Variants in CLHC1 observed in about 807,000 individuals in gnomAD.
CLHC1 encodes clathrin heavy chain linker domain containing 1, also known as clathrin heavy chain linker domain-containing protein 1.
Under a neutral mutation model 69.5 loss-of-function variants are expected in CLHC1, and 72 were observed. The ratio of observed to expected loss-of-function variants is 1.04; its 90% confidence interval spans 0.86 to 1.26. The LOEUF (loss-of-function observed/expected upper bound fraction) is 1.26, where lower values mean the gene tolerates loss of function less well. Ranked by LOEUF, CLHC1 falls within the 50% of genes most tolerant of loss-of-function variation. CLHC1 has a pLI of 0.00. For synonymous variants in CLHC1, 223 were observed against 224.3 expected, an observed-to-expected ratio of 0.99 and a Z score of 0.05; for missense variants, 790 against 679.3, an observed-to-expected ratio of 1.16 and a Z score of -1.81.
chr2:55,226,884 T>C (rs1674759726), intron 2 of CLHC1, among the ~76,000 whole-genome samples: 1 of 152,220 alleles, frequency 6.6e-6, no homozygotes, highest in Admixed American at 6.5e-5. Flanking sequence ...CAGCCTGCTT[T>C]GGCCTCCCAA....
chr2:55,225,342 C>T (rs1468013901), intron 2 of CLHC1: 2 of 152,242 alleles, frequency 1.3e-5, no homozygotes, highest in Non-Finnish European at 2.9e-5. Flanking sequence ...ACTTCCCATC[C>T]TTATGTGATG....
rs147885960 is a variant in CLHC1 at position 55,175,864 on chromosome 2, G to A, written c.1687C>T (p.Arg563Ter). 154 of 1,613,958 alleles carry A rather than the reference G, an allele frequency of 9.5e-5. No individual in the cohort carries two copies. Among genetic ancestry groups the A allele is most frequent in the Admixed American group, 7.7e-4 (46 of 60,012 alleles). Residue 563 changes from arginine to a stop codon, truncating the protein, a stop_gained, in exon 13 of 13, where the codon CGA (arginine) becomes TGA (stop). Coordinates refer to ENST00000401408, the MANE Select transcript of CLHC1 (RefSeq NM_152385.4). LOFTEE classifies it high-confidence loss of function. ...ATTTCTGTAACTGCAGCCTGAGATC[G>A]AAGAATAGACGTGATGTCATTAGAT... ...KLSNDITSIL[R>*]SQAAVTEISE...
chr2:55,188,214 G>A (rs953403093), intron 9 of CLHC1, among the ~76,000 whole-genome samples: 5 of 152,078 alleles, frequency 3.3e-5, no homozygotes, highest in African/African-American at 7.2e-5. Flanking sequence ...GACTAGAGAC[G>A]CTGAAGTGGG....
At chr2:55,218,920 C>T (rs1419571256) in intron 3 of CLHC1, among the ~76,000 whole-genome samples, 1 of 152,012 alleles carries the variant, frequency 6.6e-6, no homozygotes, top group African/African-American at 2.4e-5. Flanking sequence ...CTCTGGTATC[C>T]CCCACTGGCT....
At chr2:55,224,624 G>A (rs1437807238) in intron 2 of CLHC1, 1 of 254,492 alleles carries the variant, frequency 3.9e-6, no homozygotes. Context: ...AGGAACCCCC[G>A]CAGTGCGGCG....
At chr2:55,188,261 A>T (rs1370301403) in intron 9 of CLHC1, among the ~76,000 whole-genome samples, 1 of 152,142 alleles carries the variant, frequency 6.6e-6, no homozygotes, top group African/African-American at 2.4e-5. Flanking sequence ...GGCTGCAGTG[A>T]GCCATGTTTG....
Position 55,175,628 on chromosome 2 carries a change from T to A in CLHC1, c.*162A>T. Reference sequence around the variant, plus strand: ...GGAAAAGGAAGCAATAGTATAAATATTTCAAAGACAAATCTAAATGTCATC... The same window carrying A: ...GGAAAAGGAAGCAATAGTATAAATAATTCAAAGACAAATCTAAATGTCATC... On this transcript the variant is annotated 3_prime_UTR_variant, in exon 13 of 13. Coordinates refer to ENST00000401408, the MANE Select transcript of CLHC1 (RefSeq NM_152385.4). The A allele has an allele frequency of 1.8e-6, 1 of 566,636 alleles. No individual in the cohort carries two copies. Among genetic ancestry groups the A allele is most frequent in the East Asian group, 2.8e-5 (1 of 35,806 alleles). The allele number at this position is 566,636 out of a possible 1,614,324, so 35.1% of individuals were successfully genotyped here.
At chr2:55,186,637 C>T (rs1670440505) in intron 9 of CLHC1, among the ~76,000 whole-genome samples, 1 of 151,588 alleles carries the variant, frequency 6.6e-6, no homozygotes, top group Admixed American at 6.6e-5. Context: ...GGTGGGTATG[C>T]CTATACTCCC....
At chr2:55,213,437 C>G (rs1187958513) in intron 4 of CLHC1, among the ~76,000 whole-genome samples, 1 of 152,182 alleles carries the variant, frequency 6.6e-6, no homozygotes, top group Admixed American at 6.5e-5. Context: ...TTATAACCTC[C>G]CTATCTCAAA....
At chr2:55,190,410 C>T (rs568948719) in intron 9 of CLHC1, among the ~76,000 whole-genome samples, 11 of 152,112 alleles carry the variant, frequency 7.2e-5, no homozygotes, top group African/African-American at 2.7e-4. Flanking sequence ...GAAAATATTA[C>T]CCATACTGAG....
chr2:55,176,018 G>T, intron 12 of CLHC1, 32 bp from the exon 13 acceptor site: 1 of 1,513,362 alleles, frequency 6.6e-7, no homozygotes, highest in Non-Finnish European at 9.1e-7. Flanking sequence ...TTATAGTATG[G>T]CACTTATTTG....
intron 9 of CLHC1, among the ~76,000 whole-genome samples, chr2:55,185,193 T>C (rs1670311115): frequency 6.6e-6 from 1 of 152,104 alleles, no homozygotes; most frequent in African/African-American, 2.4e-5. Flanking sequence ...AAAAGTTTGA[T>C]TCCTAAACTA....
At position 55,177,780 on chromosome 2, in the gene CLHC1, A is replaced by T; in HGVS notation, c.1386T>A (p.Asp462Glu). 6.3e-7 allele frequency: 1 copy of T among 1,597,894 alleles called. No homozygotes were observed. The highest frequency in any genetic ancestry group is 8.5e-7 in the Non-Finnish European group (1 of 1,173,952). The change falls in exon 12 of 13, where the codon GAT becomes GAA. Residue 462 changes from aspartate (D) to glutamate (E), a missense_variant and splice_region_variant. Transcript: ENST00000401408. ...ATGACATTAATAGCTGCAACAGGTC[A>T]TCTGAAGGCAAAAATGAAAAAGTTT... ...YIQQLKDFTT[D>E]DLLQLLMSCP...
chr2:55,219,773 G>A (rs1353957107), intron 3 of CLHC1, among the ~76,000 whole-genome samples: 1 of 152,128 alleles, frequency 6.6e-6, no homozygotes, highest in Admixed American at 6.5e-5. Context: ...AGGGGTCTAA[G>A]GAAGAAGAGG....
At chr2:55,209,352 G>GA (rs139842520) in intron 7 of CLHC1, 52 bp downstream of exon 7, 2 of 1,160,818 alleles carry the variant, frequency 1.7e-6, no homozygotes, top group Non-Finnish European at 2.5e-6. Context: ...ACTAGCTAGC[G>GA]AAAAAAATGT....
rs1458779362 is a variant in CLHC1 at position 55,175,494 on chromosome 2, T to A, written c.*296A>T. ...ATCATATTACATCACCAGAAAGTAATATATCTGGACATTAGCTTATGTCCT... is the reference window on the plus strand; with the variant it reads ...ATCATATTACATCACCAGAAAGTAAAATATCTGGACATTAGCTTATGTCCT... On this transcript the variant is annotated 3_prime_UTR_variant, in exon 13 of 13. Transcript: ENST00000401408. The A allele has an allele frequency of 1.3e-5, 4 of 296,708 alleles. No individual in the cohort carries two copies. The South Asian group carries it at 2.0e-4, about 15-fold the overall frequency. The allele number at this position is 296,708 out of a possible 1,614,324, so 18.4% of individuals were successfully genotyped here.
At chr2:55,216,249 A>G (rs938869055) in intron 4 of CLHC1, 3 of 151,608 alleles carry the variant, frequency 2.0e-5, no homozygotes, top group African/African-American at 7.3e-5. Context: ...AGCCAAGATC[A>G]CACCATTGCA....
At chr2:55,178,607 G>C (rs560256185) in intron 11 of CLHC1, among the ~76,000 whole-genome samples, 5 of 151,686 alleles carry the variant, frequency 3.3e-5, no homozygotes, top group Admixed American at 3.3e-4. Flanking sequence ...TCCCGCCTCA[G>C]CCTTCCCAGT....
chr2:55,220,868 A>T (rs1674043712), intron 3 of CLHC1, among the ~76,000 whole-genome samples: 1 of 152,202 alleles, frequency 6.6e-6, no homozygotes, highest in Admixed American at 6.5e-5. Context: ...CTAAAACACC[A>T]AGAGCAATAT....
Sources: allele counts gnomAD v4.1 joint callset (sites outside exome capture counted in the v4.1 genomes callset), GRCh38; gene constraint gnomAD v4.1.1; transcripts MANE v1.5; gene names NCBI Gene and HGNC (gene_info 2026-07-23, HGNC 2026-07-21).